Variants in ATG7 observed in about 807,000 individuals in gnomAD.
ATG7 encodes the protein autophagy related 7, also known as ubiquitin-like modifier-activating enzyme ATG7.
Under a neutral mutation model 82.4 loss-of-function variants are expected in ATG7, and 70 were observed. The observed-to-expected ratio is 0.85, with a 90% confidence interval of 0.70 to 1.04. The LOEUF is 1.04. Ranked by LOEUF, ATG7 falls within the 50% of genes least tolerant of loss-of-function variation. The pLI, the probability that ATG7 is intolerant of heterozygous loss-of-function variation, is 0.00. For synonymous variants in ATG7, 287 were observed against 313.0 expected, an observed-to-expected ratio of 0.92 and a Z score of 0.88; for missense variants, 792 against 864.3, an observed-to-expected ratio of 0.92 and a Z score of 1.05.
intron 20 of ATG7, among the ~76,000 whole-genome samples, chr3:11,488,647 T>C (rs34621655): frequency 0.54 from 81,758 of 152,002 alleles, 22,702 homozygotes; most frequent in East Asian, 0.66. Context: ...TCCGGCGCCG[T>C]GACCTCCTCT....
chr3:11,523,179 G>A lies in ATG7; in HGVS notation c.2080-31632G>A, dbSNP rs111968419. On this transcript the variant is annotated intron_variant, in intron 20 of 20. Coordinates refer to ENST00000693202, the MANE Select transcript of ATG7 (RefSeq NM_001349232.2). ...GTTGTAAGGATTAGTCAGAAGTCAT[G>A]ATGACTGTTCTATATAAATATTTGG... Among the ~76,000 whole-genome samples, 312 of 152,320 alleles carry A rather than the reference G, an allele frequency of 2.0e-3. 1 individual carries two copies. Among genetic ancestry groups the A allele is most frequent in the African/African-American group, 7.2e-3 (301 of 41,576 alleles).
chr3:11,443,092 C>G (rs567635169), intron 20 of ATG7, among the ~76,000 whole-genome samples: 1 of 152,332 alleles, frequency 6.6e-6, no homozygotes, highest in Non-Finnish European at 1.5e-5. Flanking sequence ...TTGAAATTGA[C>G]TCCTCAAAAG....
intron 14 of ATG7, among the ~76,000 whole-genome samples, chr3:11,355,906 GCACCTT>G (rs1371805859): frequency 6.6e-6 from 1 of 152,106 alleles, no homozygotes; most frequent in Non-Finnish European, 1.5e-5. Context: ...AGTGTCCATA[GCACCTT>G]TATTCAAAAC....
chr3:11,368,762 G>C (rs1403503747), intron 18 of ATG7, among the ~76,000 whole-genome samples: 1 of 149,626 alleles, frequency 6.7e-6, no homozygotes, highest in Non-Finnish European at 1.5e-5. Flanking sequence ...AGGAATCAAG[G>C]TGACGCTACA....
chr3:11,465,907 G>A (rs1277764559), intron 20 of ATG7, among the ~76,000 whole-genome samples: 1 of 152,224 alleles, frequency 6.6e-6, no homozygotes, highest in Non-Finnish European at 1.5e-5. Context: ...CAGTGCAGCA[G>A]AACCCATGCT....
intron 3 of ATG7, among the ~76,000 whole-genome samples, chr3:11,295,907 T>C (rs1027363061): frequency 6.6e-6 from 1 of 152,092 alleles, no homozygotes; most frequent in African/African-American, 2.4e-5. Context: ...GCCTCCCAAG[T>C]AGCTGGGATT....
At chr3:11,498,645 G>A (rs553578750) in intron 20 of ATG7, among the ~76,000 whole-genome samples, 1 of 152,254 alleles carries the variant, frequency 6.6e-6, no homozygotes, top group South Asian at 2.1e-4. Flanking sequence ...TGGCCAGACT[G>A]GTGAGGCCAG....
At chr3:11,455,237 A>G (rs79296546) in intron 20 of ATG7, among the ~76,000 whole-genome samples, 1,722 of 152,310 alleles carry the variant, frequency 0.011, 37 homozygotes, top group African/African-American at 0.039. Flanking sequence ...GAAGCAAGTT[A>G]TTGATTTTAA....
intron 20 of ATG7, among the ~76,000 whole-genome samples, chr3:11,527,454 A>G (rs988840910): frequency 1.3e-5 from 2 of 152,030 alleles, no homozygotes; most frequent in Non-Finnish European, 2.9e-5. Context: ...ATTCTCTTCT[A>G]CCTGTCCCTG....
rs60363319 is a variant in ATG7, at chr3:11,448,822, C to T, written c.2079+21896C>T. Reference sequence around the variant, plus strand: ...GCTGTTCCAATATGAATGGAGCCTCCTAGTGTTTTCTGTCCCTGGATGTTT... The same window carrying T: ...GCTGTTCCAATATGAATGGAGCCTCTTAGTGTTTTCTGTCCCTGGATGTTT... On this transcript the variant is annotated intron_variant, in intron 20 of 20. Transcript: ENST00000693202. 3.9e-3 allele frequency among the ~76,000 whole-genome samples: 589 copies of T among 152,266 alleles called. 5 individuals carry two copies. The highest frequency in any genetic ancestry group is 0.013 in the African/African-American group (541 of 41,548).
At chr3:11,566,741 G>A in the ATG7 span, among the ~76,000 whole-genome samples, 1 of 151,910 alleles carries the variant, frequency 6.6e-6, no homozygotes, top group African/African-American at 2.4e-5. Context: ...GGCGCCCCGT[G>A]CAAACCTTTA....
At chr3:11,400,073 C>G (rs972814925) in intron 19 of ATG7, among the ~76,000 whole-genome samples, 3 of 152,218 alleles carry the variant, frequency 2.0e-5, no homozygotes, top group Admixed American at 6.5e-5. Context: ...GCATGCCCAT[C>G]ATTTACACTG....
chr3:11,487,165 C>A (rs1268731768), intron 20 of ATG7, among the ~76,000 whole-genome samples: 5 of 144,330 alleles, frequency 3.5e-5, no homozygotes, highest in African/African-American at 1.3e-4. Flanking sequence ...GGTCACAGAT[C>A]AACAGGATCC....
At chr3:11,439,781 G>A (rs965702406) in intron 20 of ATG7, among the ~76,000 whole-genome samples, 21 of 152,222 alleles carry the variant, frequency 1.4e-4, no homozygotes, top group African/African-American at 5.1e-4. Flanking sequence ...AGGGCCTGTG[G>A]CATGACCACA....
intron 11 of ATG7, among the ~76,000 whole-genome samples, chr3:11,336,934 A>G (rs1952599915): frequency 2.6e-5 from 4 of 152,008 alleles, no homozygotes; most frequent in Non-Finnish European, 5.9e-5. Flanking sequence ...CAGCCACCCA[A>G]AGTGCTGGGA....
chr3:11,425,106 G>A (rs1237547486), intron 19 of ATG7, among the ~76,000 whole-genome samples: 1 of 152,090 alleles, frequency 6.6e-6, no homozygotes, highest in East Asian at 1.9e-4. Context: ...GGAATTACAG[G>A]TGCACTCCAC....
intron 19 of ATG7, among the ~76,000 whole-genome samples, chr3:11,396,425 C>T (rs941817543): frequency 6.6e-6 from 1 of 151,624 alleles, no homozygotes; most frequent in African/African-American, 2.4e-5. Flanking sequence ...AGCAACAGAG[C>T]GAGACTGTCC....
intron 20 of ATG7, among the ~76,000 whole-genome samples, chr3:11,531,067 C>T (rs1345735982): frequency 5.3e-5 from 8 of 152,142 alleles, no homozygotes; most frequent in Admixed American, 1.3e-4. Context: ...ACTATGGAGT[C>T]GGCAGAGCGG....
intron 19 of ATG7, among the ~76,000 whole-genome samples, chr3:11,424,964 G>A (rs2082238874): frequency 7.5e-6 from 1 of 133,222 alleles, no homozygotes; most frequent in African/African-American, 2.6e-5. Flanking sequence ...TTTAATGGAT[G>A]CAAAATATCC....
Sources: gnomAD v4.1 joint callset for allele counts (sites outside exome capture counted in the v4.1 genomes callset) on GRCh38, gnomAD v4.1.1 for gene constraint, MANE v1.5 for transcripts, NCBI Gene and HGNC (gene_info 2026-07-23, HGNC 2026-07-21) for gene names.